Variants in NAT10 observed in about 807,000 individuals in gnomAD.
NAT10 encodes N-acetyltransferase 10, also known as RNA cytidine acetyltransferase.
In NAT10, 109 loss-of-function variants were observed where a neutral mutation model predicts 132.2. The ratio of observed to expected loss-of-function variants is 0.82; its 90% CI spans 0.71 to 0.97. The LOEUF is 0.97. Among genes scored for constraint, NAT10 ranks in the 50% least tolerant of loss-of-function variants. The pLI, the probability that NAT10 is intolerant of heterozygous loss-of-function variation, is 0.00. For missense variants in NAT10, 1,184 were observed against 1,263.4 expected (o/e 0.94, Z 0.95); for synonymous variants, 479 against 478.0 (o/e 1.00, Z -0.03).
chr11:34,118,900 A>G (rs956614501), intron 8 of NAT10, among the ~76,000 whole-genome samples: 5 of 152,190 alleles, frequency 3.3e-5, no homozygotes, highest in Admixed American at 3.3e-4. Context: ...ATGATCCACT[A>G]CATCTGGACA....
intron 25 of NAT10, 87 bp downstream of exon 25, chr11:34,141,295 C>A: frequency 8.5e-6 from 13 of 1,535,130 alleles, no homozygotes; most frequent in Non-Finnish European, 1.2e-5. Context: ...CACATGTTAG[C>A]ATTTAGCTGT....
chr11:34,106,280 G>C (rs1345124715), intron 1 of NAT10: 2 of 152,268 alleles, frequency 1.3e-5, no homozygotes, highest in Non-Finnish European at 2.9e-5. Context: ...CTGCCACATA[G>C]ATGTTATGTG....
chr11:34,110,787 G>A (rs1851681365), intron 3 of NAT10, among the ~76,000 whole-genome samples: 1 of 151,926 alleles, frequency 6.6e-6, no homozygotes, highest in Non-Finnish European at 1.5e-5. Flanking sequence ...TTAAAGTGAA[G>A]GGATTCTGCC....
At chr11:34,132,365 G>A in intron 15 of NAT10, 144 bp downstream of exon 15, 1 of 725,664 alleles carries the variant, frequency 1.4e-6, no homozygotes, top group Non-Finnish European at 2.5e-6. Flanking sequence ...TGATCTTGCT[G>A]TGTGTAGGTA....
chr11:34,132,726 T>C (rs187813745), intron 15 of NAT10, among the ~76,000 whole-genome samples: 1 of 152,332 alleles, frequency 6.6e-6, no homozygotes, highest in East Asian at 1.9e-4. Context: ...CAGCCTCTTA[T>C]CTGTAAAAAG....
intron 28 of NAT10, among the ~76,000 whole-genome samples, chr11:34,145,111 G>C (rs1011405785): frequency 6.6e-6 from 1 of 152,210 alleles, no homozygotes; most frequent in African/African-American, 2.4e-5. Flanking sequence ...CCTTGAGCAC[G>C]GTGGCTTTGA....
chr11:34,140,074 T>A (rs907610317), intron 23 of NAT10, among the ~76,000 whole-genome samples: 1 of 152,268 alleles, frequency 6.6e-6, no homozygotes, highest in Non-Finnish European at 1.5e-5. Context: ...ACACTTTCTG[T>A]GACACCAAAT....
At chr11:34,107,533 T>G (rs1851616604) in intron 1 of NAT10, among the ~76,000 whole-genome samples, 3 of 152,244 alleles carry the variant, frequency 2.0e-5, no homozygotes, top group Non-Finnish European at 4.4e-5. Flanking sequence ...CCTTCCAGTC[T>G]TTTTTATTTT....
In NAT10 at chr11:34,118,217, G is replaced by C. The variant is rs748227063; in HGVS notation, c.595G>C (p.Val199Leu). 4 of 1,614,010 alleles carry C rather than the reference G, an allele frequency of 2.5e-6. No individual in the cohort carries two copies. The highest frequency in any genetic ancestry group is 3.4e-6 in the Non-Finnish European group (4 of 1,180,030). ...TCTGGCCTCTTGTAAGAAGTGTCTCGTCATTGATGACCAGCTCAACATCCT... is the reference window on the plus strand; with the variant it reads ...TCTGGCCTCTTGTAAGAAGTGTCTCCTCATTGATGACCAGCTCAACATCCT... ...LSLASCKKCL[V>L]IDDQLNILPI... The change falls in exon 7 of 29, where the codon GTC (valine) becomes CTC (leucine). Residue 199 changes from valine (V) to leucine (L), a missense_variant. Coordinates refer to ENST00000257829, the MANE Select transcript of NAT10 (RefSeq NM_024662.3).
At chr11:34,120,143 G>GTTTT (rs771235436) in intron 8 of NAT10, among the ~76,000 whole-genome samples, 42 of 94,130 alleles carry the variant, frequency 4.5e-4, no homozygotes, top group East Asian at 6.4e-4. Context: ...GTTGCTGTTG[G>GTTTT]TTTTTTTTTT....
Position 34,139,395 on chromosome 11 carries a change from G to A in NAT10, c.2319G>A (p.Arg773=). 1 of 1,614,118 alleles carries A rather than the reference G, an allele frequency of 6.2e-7. No individual in the cohort carries two copies. Among genetic ancestry groups the A allele is most frequent in the Non-Finnish European group, 8.5e-7 (1 of 1,180,002 alleles). Residue 773 remains arginine (R), a synonymous_variant, in exon 23 of 29, where the codon CGG becomes CGA. Transcript: ENST00000257829. ...GATGGCACCCCACAGATTTCCGACG[G>A]CGGTTCCTAGCCTTGCTCTCCTACC... ...WLAAFWKDFR[R]RFLALLSYQF...
intron 11 of NAT10, among the ~76,000 whole-genome samples, chr11:34,125,292 C>T (rs1354256091): frequency 6.6e-6 from 1 of 152,126 alleles, no homozygotes; most frequent in Non-Finnish European, 1.5e-5. Context: ...AGGCTGCAGG[C>T]AATGAGAACA....
chr11:34,119,889 T>G, intron 8 of NAT10, among the ~76,000 whole-genome samples: 1 of 152,196 alleles, frequency 6.6e-6, no homozygotes, highest in South Asian at 2.1e-4. Flanking sequence ...AGAAGAGAAG[T>G]TGCTGGATGA....
At chr11:34,139,015 T>TA in intron 21 of NAT10, 176 bp from the exon 22 acceptor site, 1 of 589,478 alleles carries the variant, frequency 1.7e-6, no homozygotes, top group Non-Finnish European at 3.0e-6. Context: ...ACTGAGGTGA[T>TA]ATGAGGAAGG....
chr11:34,140,959 C>CCAAT, intron 24 of NAT10, 130 bp from the exon 25 acceptor site: 1 of 1,231,348 alleles, frequency 8.1e-7, no homozygotes, highest in South Asian at 1.5e-5. Context: ...AGAGAAGATG[C>CCAAT]CAATATACAC....
At chr11:34,141,860 C>T in intron 26 of NAT10, 43 bp downstream of exon 26, 1 of 1,528,652 alleles carries the variant, frequency 6.5e-7, no homozygotes, top group Non-Finnish European at 9.1e-7. Flanking sequence ...GCATTTCCAT[C>T]AGTTGCCTTA....
intron 15 of NAT10, 64 bp from the exon 16 acceptor site, chr11:34,132,962 G>C: frequency 7.4e-7 from 1 of 1,359,634 alleles, no homozygotes; most frequent in Non-Finnish European, 1.1e-6. Flanking sequence ...GTTCTGAATC[G>C]AACCTTTTGC....
chr11:34,106,383 C>T (rs1034594114), intron 1 of NAT10, among the ~76,000 whole-genome samples: 6 of 151,982 alleles, frequency 3.9e-5, no homozygotes, highest in African/African-American at 9.7e-5. Context: ...ATAGTAATCT[C>T]AGCCCTTCCT....
At position 34,146,238 on chromosome 11, in the gene NAT10, T is replaced by C. The variant is rs1193728762; in HGVS notation, c.*46T>C. 2 of 1,375,370 alleles carry C rather than the reference T, an allele frequency of 1.5e-6. No homozygotes were observed. Among genetic ancestry groups the C allele is most frequent in the Admixed American group, 2.1e-5 (1 of 47,088 alleles). The allele number at this position is 1,375,370 out of a possible 1,614,324, so 85.2% of individuals were successfully genotyped here. A position where few individuals can be genotyped will look rare whatever the true frequency, so the allele number is the denominator to read the frequency against. ...TGTGTTTGATCATGGGAAGATACTC[T>C]CACTAACTGAACCCTCTCTGGCTGG... is the stretch of plus-strand genomic sequence containing the variant. On this transcript the variant is annotated 3_prime_UTR_variant, in exon 29 of 29. Coordinates refer to ENST00000257829, the MANE Select transcript of NAT10 (RefSeq NM_024662.3).
Sources: gnomAD v4.1 joint callset for allele counts (sites outside exome capture counted in the v4.1 genomes callset) on GRCh38, gnomAD v4.1.1 for gene constraint, MANE v1.5 for transcripts, NCBI Gene and HGNC (gene_info 2026-07-23, HGNC 2026-07-21) for gene names.